Variants in CEP128 observed in about 807,000 individuals in gnomAD.
CEP128 encodes the protein centrosomal protein 128.
In CEP128, 132 loss-of-function variants were observed where a neutral mutation model predicts 156.7. The observed-to-expected ratio is 0.84, with a 90% CI of 0.73 to 0.97. The LOEUF is 0.97. Ranked by LOEUF, CEP128 falls within the 50% of genes least tolerant of loss-of-function variation. The probability of loss-of-function intolerance (pLI) is 0.00; values close to 1 mark genes in which losing one functional copy is unlikely to be tolerated. For synonymous variants in CEP128, 469 were observed against 448.9 expected (o/e 1.04, Z -0.57); for missense variants, 1,252 against 1,281.9 (o/e 0.98, Z 0.36).
At chr14:80,756,821 T>C (rs1297845031) in intron 18 of CEP128, 71 bp downstream of exon 18, 13 of 1,003,940 alleles carry the variant, frequency 1.3e-5, no homozygotes, top group African/African-American at 1.6e-5. Context: ...ACAAAATAAA[T>C]AGCTAAACCA....
intron 8 of CEP128, among the ~76,000 whole-genome samples, chr14:80,868,830 TAGA>T (rs1456899211): frequency 6.6e-6 from 1 of 151,856 alleles, no homozygotes; most frequent in Non-Finnish European, 1.5e-5. Context: ...AAATGGAAAC[TAGA>T]AGAAAACAGA....
At chr14:80,535,759 A>G (rs1461054386) in intron 21 of CEP128, among the ~76,000 whole-genome samples, 1 of 152,216 alleles carries the variant, frequency 6.6e-6, no homozygotes, top group African/African-American at 2.4e-5. Context: ...CCTGGCCACT[A>G]AGAGGTGTTT....
At chr14:80,543,439 T>C (rs1473645913) in intron 21 of CEP128, among the ~76,000 whole-genome samples, 1 of 152,204 alleles carries the variant, frequency 6.6e-6, no homozygotes, top group Non-Finnish European at 1.5e-5. Flanking sequence ...AGACAGCTAA[T>C]GTTAAAGGTT....
At chr14:80,641,293 T>G (rs1228819578) in intron 19 of CEP128, among the ~76,000 whole-genome samples, 3 of 152,226 alleles carry the variant, frequency 2.0e-5, no homozygotes, top group African/African-American at 7.2e-5. Flanking sequence ...TGCTTCTAAC[T>G]GAATCTTTAA....
chr14:80,825,095 T>A (rs760063585), intron 13 of CEP128, among the ~76,000 whole-genome samples: 1 of 152,192 alleles, frequency 6.6e-6, no homozygotes, highest in Non-Finnish European at 1.5e-5. Flanking sequence ...CTCATGAGAC[T>A]TATTCACTAT....
chr14:80,835,096 G>C (rs972484216), intron 12 of CEP128, among the ~76,000 whole-genome samples: 2 of 152,062 alleles, frequency 1.3e-5, no homozygotes, highest in African/African-American at 4.8e-5. Flanking sequence ...AGAGTGGGTT[G>C]TCAGAACGCC....
intron 21 of CEP128, among the ~76,000 whole-genome samples, chr14:80,558,714 C>A (rs926474317): frequency 2.0e-5 from 3 of 152,150 alleles, no homozygotes; most frequent in South Asian, 2.1e-4. Flanking sequence ...TGAGCTACTG[C>A]GCCTGGCCAA....
intron 19 of CEP128, among the ~76,000 whole-genome samples, chr14:80,633,215 T>C (rs1329489213): frequency 4.1e-5 from 6 of 147,444 alleles, no homozygotes. Flanking sequence ...GTGCCAGAGT[T>C]AGACCCTGCC....
intron 9 of CEP128, among the ~76,000 whole-genome samples, chr14:80,848,799 G>A (rs763415702): frequency 1.8e-4 from 27 of 152,000 alleles, no homozygotes; most frequent in Non-Finnish European, 2.8e-4. Context: ...GGACATGCCT[G>A]TAATCCCAGA....
chr14:80,817,078 C>T (rs1884905600), intron 13 of CEP128, among the ~76,000 whole-genome samples: 1 of 151,596 alleles, frequency 6.6e-6, no homozygotes, highest in African/African-American at 2.4e-5. Context: ...GGGAACTAGA[C>T]AATCAAAGAG....
intron 19 of CEP128, among the ~76,000 whole-genome samples, chr14:80,589,664 G>A (rs61612557): frequency 6.6e-6 from 1 of 152,114 alleles, no homozygotes; most frequent in South Asian, 2.1e-4. Flanking sequence ...CTATGCTGGA[G>A]TGTAATTATG....
At chr14:80,746,899 G>A (rs1392409175) in intron 18 of CEP128, among the ~76,000 whole-genome samples, 1 of 152,132 alleles carries the variant, frequency 6.6e-6, no homozygotes, top group Admixed American at 6.5e-5. Context: ...GACAAATGAT[G>A]CCATTTTTAA....
At chr14:80,617,451 G>A (rs919861797) in intron 19 of CEP128, among the ~76,000 whole-genome samples, 3 of 151,830 alleles carry the variant, frequency 2.0e-5, no homozygotes, top group African/African-American at 4.8e-5. Flanking sequence ...TAGCCAGAAT[G>A]GTCTCGATCT....
At chr14:80,585,509 T>G (rs920551374) in intron 19 of CEP128, among the ~76,000 whole-genome samples, 1 of 152,214 alleles carries the variant, frequency 6.6e-6, no homozygotes, top group African/African-American at 2.4e-5. Flanking sequence ...GACTATATTT[T>G]TCTTTAACCA....
At chr14:80,884,474 G>T (rs923652558) in intron 8 of CEP128, among the ~76,000 whole-genome samples, 2 of 152,172 alleles carry the variant, frequency 1.3e-5, no homozygotes, top group Non-Finnish European at 2.9e-5. Flanking sequence ...ATCTCATTGG[G>T]ACTGGCTAGA....
chr14:80,867,530 A>G (rs1156610166), intron 8 of CEP128, among the ~76,000 whole-genome samples: 1 of 152,160 alleles, frequency 6.6e-6, no homozygotes, highest in African/African-American at 2.4e-5. Flanking sequence ...AGAGATAGAA[A>G]CCATCAAAAA....
upstream of CEP128, among the ~76,000 whole-genome samples, chr14:80,944,822 C>CAAA (rs55662141): frequency 1.4e-3 from 49 of 34,648 alleles, 4 homozygotes; most frequent in Admixed American, 2.6e-3. Context: ...GAGTCTGTCT[C>CAAA]AAAAAAAAAA....
At chr14:80,494,513 G>A (rs1008627657), downstream of CEP128, among the ~76,000 whole-genome samples, 2 of 152,104 alleles carry the variant, frequency 1.3e-5, no homozygotes, top group African/African-American at 4.8e-5. Context: ...AAGTAAATGT[G>A]CCATCTCCTT....
intron 8 of CEP128, among the ~76,000 whole-genome samples, chr14:80,876,029 A>C (rs1595532908): frequency 6.6e-6 from 1 of 152,154 alleles, no homozygotes; most frequent in South Asian, 2.1e-4. Context: ...AAGAAAGAAG[A>C]AAGAATTAAA....
Sources: allele counts gnomAD v4.1 joint callset (sites outside exome capture counted in the v4.1 genomes callset), GRCh38; gene constraint gnomAD v4.1.1; transcripts MANE v1.5; gene names NCBI Gene and HGNC (gene_info 2026-07-23, HGNC 2026-07-21).